The following BMERB1 variants were observed in gnomAD, a reference collection of about 807,000 sequenced individuals.
BMERB1 encodes bMERB domain containing 1, also known as bMERB domain-containing protein 1.
In BMERB1, 12 loss-of-function variants were observed where a neutral mutation model predicts 23.6. The observed-to-expected ratio is 0.51, with a 90% CI of 0.33 to 0.82. The LOEUF (loss-of-function observed/expected upper bound fraction) is 0.82. BMERB1 is among the 40% of genes least tolerant of loss of function. BMERB1 has a pLI of 0.03. For missense variants in BMERB1, 247 were observed against 255.4 expected (o/e 0.97, Z 0.22); for synonymous variants, 122 against 96.6 (o/e 1.26, Z -1.54).
chr16:15,462,137 CTTTTTTTTTTTTTTTTTTTT>C (rs71152431), intron 1 of BMERB1, among the ~76,000 whole-genome samples: 2 of 56,930 alleles, frequency 3.5e-5, no homozygotes, highest in Non-Finnish European at 3.0e-5. Context: ...GATGTCCTGC[CTTTTTTTTTTTTTTTTTTTT>C]TTTTTTTTTT....
intron 1 of BMERB1, among the ~76,000 whole-genome samples, chr16:15,490,343 C>T (rs375822072): frequency 7.9e-5 from 12 of 152,170 alleles, no homozygotes; most frequent in Admixed American, 6.5e-4. Flanking sequence ...AGTGCAGTGG[C>T]GTGATCATGG....
chr16:15,519,867 G>T (rs1480083214), intron 2 of BMERB1, among the ~76,000 whole-genome samples: 2 of 152,152 alleles, frequency 1.3e-5, no homozygotes, highest in Non-Finnish European at 2.9e-5. Flanking sequence ...CAGTGAGGAA[G>T]AAGAGGAGGG....
At chr16:15,465,895 G>A (rs1160930914) in intron 1 of BMERB1, among the ~76,000 whole-genome samples, 2 of 152,164 alleles carry the variant, frequency 1.3e-5, no homozygotes, top group African/African-American at 4.8e-5. Context: ...CAGGATTTAT[G>A]CATGTTGAAA....
chr16:15,505,339 T>G (rs1172111078), intron 1 of BMERB1, among the ~76,000 whole-genome samples: 1 of 152,234 alleles, frequency 6.6e-6, no homozygotes, highest in Admixed American at 6.5e-5. Flanking sequence ...CCTTTTTGAT[T>G]ACCTAAAGGA....
chr16:15,450,634 C>G (rs987286507), intron 1 of BMERB1, among the ~76,000 whole-genome samples: 10 of 152,146 alleles, frequency 6.6e-5, no homozygotes, highest in Admixed American at 2.0e-4. Context: ...CCATGCCTGG[C>G]TAATTGTTGT....
intron 1 of BMERB1, among the ~76,000 whole-genome samples, chr16:15,452,646 C>T (rs1231343380): frequency 6.6e-6 from 1 of 152,202 alleles, no homozygotes; most frequent in Admixed American, 6.5e-5. Flanking sequence ...CTCGTACAAA[C>T]TTTCCCTGTG....
At chr16:15,564,451 T>C (rs1284262846) in intron 2 of BMERB1, among the ~76,000 whole-genome samples, 1 of 152,124 alleles carries the variant, frequency 6.6e-6, no homozygotes, top group African/African-American at 2.4e-5. Context: ...AAATTGAAAA[T>C]TTTCCTGAAG....
intron 3 of BMERB1, among the ~76,000 whole-genome samples, chr16:15,575,114 G>T (rs2030825314): frequency 6.6e-6 from 1 of 152,040 alleles, no homozygotes; most frequent in South Asian, 2.1e-4. Context: ...AAAAATCGGG[G>T]GTCAGCAGAA....
chr16:15,550,024 A>G (rs142599115), intron 2 of BMERB1, among the ~76,000 whole-genome samples: 2,110 of 151,032 alleles, frequency 0.014, 59 homozygotes, highest in African/African-American at 0.05. Flanking sequence ...ATCTCGGCTC[A>G]CTGCAAGCTC....
chr16:15,503,348 C>T (rs945492903), intron 1 of BMERB1, among the ~76,000 whole-genome samples: 1 of 151,680 alleles, frequency 6.6e-6, no homozygotes, highest in African/African-American at 2.4e-5. Context: ...GTGGCGCGAT[C>T]TCGGCTCACT....
chr16:15,574,231 T>G (rs1356473386), intron 3 of BMERB1, among the ~76,000 whole-genome samples: 2 of 152,138 alleles, frequency 1.3e-5, no homozygotes, highest in African/African-American at 4.8e-5. Context: ...GGGAACTCGC[T>G]CACTATCACG....
chr16:15,467,361 CATT>C (rs988798720), intron 1 of BMERB1, among the ~76,000 whole-genome samples: 2 of 152,096 alleles, frequency 1.3e-5, no homozygotes, highest in African/African-American at 2.4e-5. Flanking sequence ...TTGGTGTTAT[CATT>C]ATTTTTTATT....
intron 1 of BMERB1, among the ~76,000 whole-genome samples, chr16:15,437,965 AAG>A (rs2050903026): frequency 6.6e-6 from 1 of 151,372 alleles, no homozygotes; most frequent in Non-Finnish European, 1.5e-5. Flanking sequence ...CTCAAAAAAA[AAG>A]AGTCTGGTAT....
chr16:15,568,598 A>G (rs2030642545), intron 3 of BMERB1, among the ~76,000 whole-genome samples: 1 of 152,160 alleles, frequency 6.6e-6, no homozygotes. Flanking sequence ...AGATTGTGCC[A>G]TTGCACTCCA....
rs151276866 is a variant in BMERB1 at position 15,447,992 on chromosome 16, C to T, written c.106+13233C>T. ...TCAACCTCCACCTCCTGGGTTCAAGCGATTGTCCTGCCTCAGCCTCCTGAG... is the reference window on the plus strand; with the variant it reads ...TCAACCTCCACCTCCTGGGTTCAAGTGATTGTCCTGCCTCAGCCTCCTGAG... On this transcript the variant is annotated intron_variant, in intron 1 of 5. Coordinates refer to ENST00000300006, the MANE Select transcript of BMERB1 (RefSeq NM_033201.3). The T allele has an allele frequency of 1.8e-3, 810 of 445,670 alleles. 6 individuals are homozygous for T. Among genetic ancestry groups the T allele is most frequent in the African/African-American group, 0.015 (725 of 49,976 alleles). The allele number at this position is 445,670 out of a possible 1,614,324, so 27.6% of individuals were successfully genotyped here.
chr16:15,543,887 T>C (rs1340035154), intron 2 of BMERB1, among the ~76,000 whole-genome samples: 1 of 152,190 alleles, frequency 6.6e-6, no homozygotes, highest in Non-Finnish European at 1.5e-5. Flanking sequence ...GAGTCTTTTG[T>C]TATGATTCTT....
At chr16:15,492,182 A>T (rs2051427296) in intron 1 of BMERB1, among the ~76,000 whole-genome samples, 1 of 152,210 alleles carries the variant, frequency 6.6e-6, no homozygotes, top group Admixed American at 6.5e-5. Flanking sequence ...ACCATTGCCT[A>T]GCTTTTGTGC....
chr16:15,517,703 C>T (rs2150953123), intron 2 of BMERB1, among the ~76,000 whole-genome samples: 1 of 151,664 alleles, frequency 6.6e-6, no homozygotes, highest in Middle Eastern at 3.4e-3. Flanking sequence ...CAATGGTTAC[C>T]ACTGTGCACT....
At chr16:15,557,649 G>A (rs992331668) in intron 2 of BMERB1, among the ~76,000 whole-genome samples, 52 of 152,196 alleles carry the variant, frequency 3.4e-4, no homozygotes, top group African/African-American at 1.2e-3. Flanking sequence ...GTTTGCCTGG[G>A]ACTGAGAGGT....
Sources: gnomAD v4.1 joint callset for allele counts (sites outside exome capture counted in the v4.1 genomes callset) on GRCh38, gnomAD v4.1.1 for gene constraint, MANE v1.5 for transcripts, NCBI Gene and HGNC (gene_info 2026-07-23, HGNC 2026-07-21) for gene names.